MINDY4: variants seen among roughly 807,000 people sequenced by gnomAD.
The protein encoded by MINDY4 is MINDY lysine 48 deubiquitinase 4.
A neutral mutation model predicts 87.0 loss-of-function variants in MINDY4; 68 were observed. That is an observed-to-expected ratio of 0.78 (90% CI 0.64 to 0.96). The LOEUF (loss-of-function observed/expected upper bound fraction) is 0.96. MINDY4 is among the 40% of genes least tolerant of loss of function. The pLI is 0.00. For synonymous variants in MINDY4, 379 were observed against 363.2 expected (o/e 1.04, Z -0.50); for missense variants, 919 against 928.2 (o/e 0.99, Z 0.13).
intron 13 of MINDY4, among the ~76,000 whole-genome samples, chr7:30,867,678 A>G (rs1263990197): frequency 6.6e-6 from 1 of 152,196 alleles, no homozygotes; most frequent in East Asian, 1.9e-4. Flanking sequence ...AAGGGCTGTT[A>G]TCTCTGGAGG....
intron 17 of MINDY4, among the ~76,000 whole-genome samples, chr7:30,890,303 C>T (rs772142095): frequency 2.0e-5 from 3 of 152,230 alleles, no homozygotes; most frequent in Non-Finnish European, 4.4e-5. Flanking sequence ...GGCAGGACTG[C>T]GTCTTGTGTC....
At chr7:30,812,625 C>T (rs557047521) in intron 5 of MINDY4, among the ~76,000 whole-genome samples, 10 of 152,300 alleles carry the variant, frequency 6.6e-5, no homozygotes, top group African/African-American at 1.7e-4. Context: ...CATGGGCATC[C>T]GCAAGCTCTT....
At chr7:30,775,957 C>G (rs542499033) in intron 1 of MINDY4, among the ~76,000 whole-genome samples, 10 of 152,142 alleles carry the variant, frequency 6.6e-5, no homozygotes, top group Non-Finnish European at 1.3e-4. Context: ...TCTTGTGCAC[C>G]TCATATCCAG....
Position 30,771,576 on chromosome 7 carries a change from A to G in MINDY4, c.63+20A>G. On this transcript the variant is annotated intron_variant, in intron 1 of 17. Transcript: ENST00000265299. ...AGAAAGGTAACGGCTCGCCCCCTCC[A>G]AAGCCCAGGAAGTGGCTCTAATTTG... 6.4e-6 allele frequency: 10 copies of G among 1,568,506 alleles called. No individual in the cohort carries two copies. Among genetic ancestry groups the G allele is most frequent in the Non-Finnish European group, 8.6e-6 (10 of 1,159,108 alleles).
intron 15 of MINDY4, 100 bp downstream of exon 15, chr7:30,875,756 C>G (rs1329020704): frequency 2.2e-6 from 3 of 1,364,004 alleles, no homozygotes; most frequent in Non-Finnish European, 3.0e-6. Context: ...CTTCTCAGAG[C>G]TGGCTGAAAT....
intron 5 of MINDY4, among the ~76,000 whole-genome samples, chr7:30,819,244 TTAA>T (rs1259406992): frequency 1.3e-5 from 2 of 152,220 alleles, no homozygotes; most frequent in African/African-American, 4.8e-5. Context: ...AGTTGTGTTT[TTAA>T]TGTTAACCAT....
At chr7:30,873,200 G>C (rs937443573) in intron 14 of MINDY4, among the ~76,000 whole-genome samples, 3 of 152,222 alleles carry the variant, frequency 2.0e-5, no homozygotes, top group Non-Finnish European at 4.4e-5. Flanking sequence ...CTAGAGGAAG[G>C]CCTCACGGGG....
At chr7:30,778,672 G>A (rs2128165303) in intron 2 of MINDY4, 121 bp downstream of exon 2, 2 of 1,234,760 alleles carry the variant, frequency 1.6e-6, no homozygotes, top group South Asian at 1.3e-5. Flanking sequence ...CACACTTGCG[G>A]TCAGAGAGAA....
intron 5 of MINDY4, among the ~76,000 whole-genome samples, chr7:30,806,714 G>A (rs1787816707): frequency 6.6e-6 from 1 of 152,284 alleles, no homozygotes; most frequent in African/African-American, 2.4e-5. Context: ...GAATTTGCCT[G>A]CCTTGAGGCA....
intron 5 of MINDY4, among the ~76,000 whole-genome samples, chr7:30,795,813 A>G (rs192881831): frequency 3.3e-5 from 5 of 151,952 alleles, no homozygotes; most frequent in African/African-American, 9.7e-5. Context: ...CCCTTCCTTC[A>G]CCTTTGAAGC....
rs574836511 is a variant in MINDY4 at position 30,867,666 on chromosome 7, G to T, written c.1746-4577G>T. Among the ~76,000 whole-genome samples, 26 of 152,242 alleles carry T rather than the reference G, an allele frequency of 1.7e-4. No homozygotes were observed. In the East Asian group the frequency reaches 4.4e-3, roughly 26 times the overall value. On this transcript the variant is annotated intron_variant, in intron 13 of 17. Coordinates refer to ENST00000265299, the MANE Select transcript of MINDY4 (RefSeq NM_032222.3). Reference sequence around the variant, plus strand: ...CCTTAAAAGTCAATATAAACCCCACGAAAGGGCTGTTATCTCTGGAGGTCA... The same window carrying T: ...CCTTAAAAGTCAATATAAACCCCACTAAAGGGCTGTTATCTCTGGAGGTCA...
rs142529989 is a variant in MINDY4 at position 30,786,333 on chromosome 7, C to T, written c.663+341C>T. 2.0e-3 allele frequency: 483 copies of T among 245,702 alleles called. 1 individual carries two copies. The highest frequency in any genetic ancestry group is 0.01 in the African/African-American group (455 of 44,752). 15.2% of individuals were successfully genotyped at this position (245,702 alleles called of 1,614,324 possible). On this transcript the variant is annotated intron_variant, in intron 4 of 17. Coordinates refer to ENST00000265299, the MANE Select transcript of MINDY4 (RefSeq NM_032222.3). Reference sequence around the variant, plus strand: ...TCCAGGTTCAGAGAGCATCTTTAGGCTGAGTGTGGTGGCTTACACCTGTAA... The same window carrying T: ...TCCAGGTTCAGAGAGCATCTTTAGGTTGAGTGTGGTGGCTTACACCTGTAA...
Position 30,782,090 on chromosome 7 carries a change from A to C in MINDY4, c.297A>C (p.Ser99=). 1 of 1,613,962 alleles carries C rather than the reference A, an allele frequency of 6.2e-7. No homozygotes were observed. Among genetic ancestry groups the C allele is most frequent in the Non-Finnish European group, 8.5e-7 (1 of 1,179,872 alleles). ...FTQDTPIPAL[S]VPKKNNKVPS... ...AAGATACCCCAATCCCTGCACTCTCAGTTCCAAAGAAAAATAACAAAGTGC... is the reference window on the plus strand; with the variant it reads ...AAGATACCCCAATCCCTGCACTCTCCGTTCCAAAGAAAAATAACAAAGTGC... The change falls in exon 3 of 18, where the codon TCA becomes TCC. Residue 99 remains serine, a synonymous_variant. Transcript: ENST00000265299.
Position 30,839,265 on chromosome 7 carries a change from T to C in MINDY4, c.1305T>C (p.Ser435=), listed in dbSNP as rs770658507. ...CCFNEEWKLQ[S]FSFSNTASLK... Reference sequence around the variant, plus strand: ...TCAATGAAGAATGGAAACTTCAGAGTTTTTCCTTTAGTAACACAGCCTCAT... The same window carrying C: ...TCAATGAAGAATGGAAACTTCAGAGCTTTTCCTTTAGTAACACAGCCTCAT... The change falls in exon 8 of 18, where the codon AGT becomes AGC. Residue 435 remains serine (S), a synonymous_variant. Transcript: ENST00000265299. 2 of 1,612,344 alleles carry C rather than the reference T, an allele frequency of 1.2e-6. No individual in the cohort carries two copies. The highest frequency in any genetic ancestry group is 1.7e-6 in the Non-Finnish European group (2 of 1,179,384).
chr7:30,790,385 C>T (rs560211141), intron 4 of MINDY4, among the ~76,000 whole-genome samples: 24 of 152,274 alleles, frequency 1.6e-4, no homozygotes, highest in African/African-American at 4.8e-4. Flanking sequence ...TGTAAGCAGC[C>T]TCACAGCAGT....
At chr7:30,882,105 CT>C (rs1790481546) in intron 15 of MINDY4, 75 bp from the exon 16 acceptor site, 1 of 1,426,912 alleles carries the variant, frequency 7.0e-7, no homozygotes. Context: ...TCAGCCCTGC[CT>C]TGAGTCAGAC....
intron 13 of MINDY4, among the ~76,000 whole-genome samples, chr7:30,867,372 G>A (rs940410115): frequency 5.3e-5 from 8 of 152,110 alleles, no homozygotes; most frequent in African/African-American, 1.9e-4. Flanking sequence ...GTTTTGTTTT[G>A]TTTTTTGTTA....
At chr7:30,802,932 C>CCCAA (rs891189097) in intron 5 of MINDY4, 3 of 151,860 alleles carry the variant, frequency 2.0e-5, no homozygotes, top group African/African-American at 2.4e-5. Context: ...ATCTCACCCA[C>CCCAA]CCAACCAACC....
At chr7:30,803,970 A>AGG (rs1787733880) in intron 5 of MINDY4, among the ~76,000 whole-genome samples, 1 of 152,150 alleles carries the variant, frequency 6.6e-6, no homozygotes, top group Non-Finnish European at 1.5e-5. Context: ...ACATAGAGAG[A>AGG]GCCAAAGTCT....
Sources: gnomAD v4.1 joint callset for allele counts (sites outside exome capture counted in the v4.1 genomes callset) on GRCh38, gnomAD v4.1.1 for gene constraint, MANE v1.5 for transcripts, NCBI Gene and HGNC (gene_info 2026-07-23, HGNC 2026-07-21) for gene names.